Variants in RAB37 observed in about 807,000 individuals in gnomAD.
RAB37 encodes ras-related protein Rab-37.
Under a neutral mutation model 33.1 loss-of-function variants are expected in RAB37, and 29 were observed. That is an observed-to-expected ratio of 0.88 (90% CI 0.65 to 1.20). The LOEUF is 1.20. Ranked by LOEUF, RAB37 falls within the 50% of genes most tolerant of loss-of-function variation. RAB37 has a pLI of 0.00. For missense variants in RAB37, 299 were observed against 301.1 expected, an observed-to-expected ratio of 0.99 and a Z score of 0.05; for synonymous variants, 128 against 119.5, an observed-to-expected ratio of 1.07 and a Z score of -0.47.
chr17:74,725,389 C>G (rs1431396875), intron 1 of RAB37, among the ~76,000 whole-genome samples: 2 of 152,172 alleles, frequency 1.3e-5, no homozygotes, highest in Non-Finnish European at 2.9e-5. Flanking sequence ...GGCCACACCA[C>G]AGACCTAGGG....
Position 74,692,162 on chromosome 17 carries a change from G to A in RAB37, c.72+20504G>A, listed in dbSNP as rs769920408. Among the ~76,000 whole-genome samples the A allele has an allele frequency of 3.9e-5, 6 of 152,090 alleles. 1 individual carries two copies. In the East Asian group the frequency reaches 7.8e-4, roughly 20 times the overall value. On this transcript the variant is annotated intron_variant, in intron 1 of 7. Transcript: ENST00000340415. ...ATTACAGGCATGAGCCACCGCACCC[G>A]GCCATGTTATGACTTTTATTCTTAT...
intron 1 of RAB37, among the ~76,000 whole-genome samples, chr17:74,717,108 C>T (rs908086649): frequency 1.3e-5 from 2 of 152,162 alleles, no homozygotes; most frequent in Admixed American, 6.5e-5. Context: ...GCATTCCAGC[C>T]TGGGCAACGA....
intron 1 of RAB37, among the ~76,000 whole-genome samples, chr17:74,723,575 CTTT>C (rs35936012): frequency 3.0e-5 from 4 of 133,188 alleles, no homozygotes; most frequent in Admixed American, 7.7e-5. Flanking sequence ...AATTAACTAA[CTTT>C]TTTTTTTTTT....
chr17:74,695,332 A>G (rs899953212), intron 1 of RAB37: 39 of 1,538,088 alleles, frequency 2.5e-5, no homozygotes, highest in Non-Finnish European at 3.4e-5. Flanking sequence ...GGAGGAGGAT[A>G]GTGGGGATGG....
chr17:74,684,505 G>A (rs2032014992), intron 1 of RAB37, among the ~76,000 whole-genome samples: 3 of 152,078 alleles, frequency 2.0e-5, no homozygotes, highest in Admixed American at 6.6e-5. Context: ...AAATAAAAAT[G>A]GACTGCGCAC....
At chr17:74,686,702 A>T (rs2032061928) in intron 1 of RAB37, among the ~76,000 whole-genome samples, 1 of 152,050 alleles carries the variant, frequency 6.6e-6, no homozygotes, top group Non-Finnish European at 1.5e-5. Flanking sequence ...CTCTTCTAGT[A>T]TTTTAAGCTG....
rs763733192 is a variant in RAB37, at chr17:74,745,114, CG to C, written c.566+34del. Reference sequence around the variant, plus strand: ...GAGCTGGGCAGGGAAGGGAAGTGTGCGGGGCAGGGCGGCACACTCCAGGAAT... The same window carrying C: ...GAGCTGGGCAGGGAAGGGAAGTGTGCGGGCAGGGCGGCACACTCCAGGAAT... On this transcript the variant is annotated intron_variant, in intron 8 of 8. Coordinates refer to ENST00000392613, the MANE Select transcript of RAB37 (RefSeq NM_001006638.3). The surrounding 1 kb of genome is among the most constrained non-coding windows in gnomAD (Gnocchi z 4.5). The C allele has an allele frequency of 3.1e-6, 5 of 1,605,556 alleles. No individual in the cohort carries two copies. Among genetic ancestry groups the C allele is most frequent in the Non-Finnish European group, 4.3e-6 (5 of 1,172,592 alleles).
intron 1 of RAB37, among the ~76,000 whole-genome samples, chr17:74,716,803 G>C (rs531190319): frequency 6.6e-6 from 1 of 152,124 alleles, no homozygotes. Flanking sequence ...CCCGGAGCTG[G>C]TTGTCACCAG....
Position 74,746,682 on chromosome 17 carries a change from C to T in RAB37, c.*1271C>T, listed in dbSNP as rs1344847321. On this transcript the variant is annotated 3_prime_UTR_variant, in exon 9 of 9. Transcript: ENST00000392613. This position sits in a 1 kb window ranked among gnomAD's most constrained non-coding sequence, Gnocchi z 5.2. ...TGTGAAAAAAAAGAGAAATCCCTGG[C>T]TCCTGGAGCTGGTGGGAGACAAGAT... 4 of 152,228 alleles carry T rather than the reference C, an allele frequency of 2.6e-5. No homozygotes were observed. Among genetic ancestry groups the T allele is most frequent in the African/African-American group, 7.2e-5 (3 of 41,440 alleles). The allele number at this position is 152,228 out of a possible 1,614,324, so 9.4% of individuals were successfully genotyped here.
intron 1 of RAB37, among the ~76,000 whole-genome samples, chr17:74,674,384 G>A (rs2031776476): frequency 6.6e-6 from 1 of 151,466 alleles, no homozygotes; most frequent in South Asian, 2.1e-4. Context: ...CCCAGCGTGG[G>A]GAAATGATTT....
chr17:74,680,939 CCCA>C (rs1388008782), intron 1 of RAB37, among the ~76,000 whole-genome samples: 2 of 152,128 alleles, frequency 1.3e-5, no homozygotes, highest in Non-Finnish European at 2.9e-5. Flanking sequence ...TTCCTTATAC[CCCA>C]CCACCACCCC....
chr17:74,694,986 A>T, intron 1 of RAB37: 1 of 1,219,550 alleles, frequency 8.2e-7, no homozygotes, highest in Non-Finnish European at 1.1e-6. Context: ...CTGATCAGGC[A>T]GAGGCACCAG....
At chr17:74,724,717 G>A (rs920626513) in intron 1 of RAB37, among the ~76,000 whole-genome samples, 3 of 152,174 alleles carry the variant, frequency 2.0e-5, no homozygotes, top group Admixed American at 6.5e-5. Flanking sequence ...CTCAAGGGTG[G>A]GGAGAATAGA....
chr17:74,693,289 G>A (rs1178541268), intron 1 of RAB37, among the ~76,000 whole-genome samples: 1 of 152,258 alleles, frequency 6.6e-6, no homozygotes, highest in Non-Finnish European at 1.5e-5. Context: ...TAGAAGGACA[G>A]AAGAAAAGCT....
intron 1 of RAB37, among the ~76,000 whole-genome samples, chr17:74,691,836 A>G (rs1416538688): frequency 1.3e-5 from 2 of 152,020 alleles, no homozygotes; most frequent in East Asian, 3.9e-4. Context: ...TGGCACAGTT[A>G]CGCTCTGATC....
chr17:74,736,654 AGGT>A, upstream of RAB37: 7 of 1,535,514 alleles, frequency 4.6e-6, no homozygotes, highest in Non-Finnish European at 6.1e-6. Context: ...GGGAAATGAG[AGGT>A]GATCCATACT....
At chr17:74,735,031 AAGAAAG>A (rs2034451329), upstream of RAB37, among the ~76,000 whole-genome samples, 4 of 130,280 alleles carry the variant, frequency 3.1e-5, no homozygotes, top group South Asian at 4.7e-4. Flanking sequence ...GAAAGAAAGA[AAGAAAG>A]AAAGAAAGAA....
Position 74,730,602 on chromosome 17 carries a change from G to A in RAB37, c.183+1236G>A, listed in dbSNP as rs2034372374. Among the ~76,000 whole-genome samples the A allele has an allele frequency of 6.6e-6, 1 of 152,084 alleles. No individual in the cohort carries two copies. Among genetic ancestry groups the A allele is most frequent in the East Asian group, 1.9e-4 (1 of 5,170 alleles). ...AGACCCAGGAGGCCAAGGCTACCTG[G>A]CAATCCCTGAGGTCTGGGACCAGGC... On this transcript the variant is annotated intron_variant, in intron 2 of 7. Coordinates refer to the RAB37 transcript ENST00000340415. The surrounding 1 kb of genome is among the most constrained non-coding windows in gnomAD (Gnocchi z 4.4).
chr17:74,725,844 G>A (rs2034299791), intron 1 of RAB37, among the ~76,000 whole-genome samples: 1 of 152,046 alleles, frequency 6.6e-6, no homozygotes. Context: ...TCAAACTCCT[G>A]ACTTCAGGTG....
Sources: allele counts gnomAD v4.1 joint callset (sites outside exome capture counted in the v4.1 genomes callset), GRCh38; gene constraint gnomAD v4.1.1; non-coding constraint Gnocchi (gnomAD v3.1); transcripts MANE v1.5; gene names NCBI Gene and HGNC (gene_info 2026-07-23, HGNC 2026-07-21).